CDCA8: variants seen among roughly 807,000 people sequenced by gnomAD.
CDCA8 encodes borealin.
In CDCA8, 25 loss-of-function variants were observed where a neutral mutation model predicts 40.0. That is an observed-to-expected ratio of 0.63 (90% confidence interval 0.46 to 0.87). CDCA8 has a LOEUF of 0.87. Among genes scored for constraint, CDCA8 ranks in the 40% least tolerant of loss-of-function variants. CDCA8 has a pLI of 0.00. For missense variants in CDCA8, 280 were observed against 348.4 expected (o/e 0.80, Z 1.56); for synonymous variants, 111 against 126.5 (o/e 0.88, Z 0.82).
In CDCA8 at chr1:37,708,339, C is replaced by T; in HGVS notation, c.816C>T (p.Ile272=). The part of the protein sequence containing the change: ...IKKLSNRLAQ[I]CSSIRTHK ...CTTTTTAGAACCGTCTCGCCCAAAT[C>T]TGCAGCAGCATACGGACCCACAAAT... The change falls in exon 10 of 10, where the codon ATC becomes ATT. Residue 272 remains isoleucine (I), a synonymous_variant. Transcript: ENST00000373055. 1 of 1,614,166 alleles carries T rather than the reference C, an allele frequency of 6.2e-7. No individual in the cohort carries two copies. The highest frequency in any genetic ancestry group is 8.5e-7 in the Non-Finnish European group (1 of 1,180,016).
At chr1:37,700,886 T>C (rs1645558724) in intron 5 of CDCA8, among the ~76,000 whole-genome samples, 1 of 152,142 alleles carries the variant, frequency 6.6e-6, no homozygotes. Flanking sequence ...CACTATAGAA[T>C]GAAGGGATGG....
intron 2 of CDCA8, among the ~76,000 whole-genome samples, chr1:37,693,975 T>A (rs535371962): frequency 6.6e-6 from 1 of 151,890 alleles, no homozygotes; most frequent in Non-Finnish European, 1.5e-5. Context: ...CTGTCTCTAC[T>A]AAAAATACAA....
Position 37,707,069 on chromosome 1 carries a change from G to A in CDCA8, c.798+5G>A, listed in dbSNP as rs780730214. On this transcript the variant is annotated splice_donor_5th_base_variant and intron_variant, in intron 9 of 9. Coordinates refer to ENST00000373055, the MANE Select transcript of CDCA8 (RefSeq NM_001256875.2). ...GGAAACATTAAGAAGCTCTCCGTAAGTCTCATATTCATCTCCACACATAGG... is the reference window on the plus strand; with the variant it reads ...GGAAACATTAAGAAGCTCTCCGTAAATCTCATATTCATCTCCACACATAGG... 6.2e-7 allele frequency: 1 copy of A among 1,611,446 alleles called. No homozygotes were observed. The highest frequency in any genetic ancestry group is 1.1e-5 in the South Asian group (1 of 91,034).
intron 3 of CDCA8, among the ~76,000 whole-genome samples, chr1:37,698,437 T>C (rs780949053): frequency 3.9e-5 from 6 of 152,176 alleles, no homozygotes; most frequent in Non-Finnish European, 7.3e-5. Context: ...GGATATGATA[T>C]AGCAATGAAA....
intron 8 of CDCA8, among the ~76,000 whole-genome samples, chr1:37,706,304 C>T (rs1024367169): frequency 4.6e-5 from 7 of 152,064 alleles, no homozygotes; most frequent in Admixed American, 4.6e-4. Flanking sequence ...GATGGTGTTT[C>T]ACCATATTGG....
intron 2 of CDCA8, among the ~76,000 whole-genome samples, chr1:37,693,303 A>T (rs1645490772): frequency 6.6e-6 from 1 of 152,186 alleles, no homozygotes; most frequent in Non-Finnish European, 1.5e-5. Flanking sequence ...GCTGTAGTGA[A>T]TGGGCATGGA....
chr1:37,708,640 A>G lies in CDCA8; in HGVS notation c.*274A>G, dbSNP rs1288352694. 1.0e-5 allele frequency: 5 copies of G among 491,414 alleles called. No homozygotes were observed. The highest frequency in any genetic ancestry group is 1.9e-5 in the African/African-American group (1 of 51,690). The allele number at this position is 491,414 out of a possible 1,614,324, so 30.4% of individuals were successfully genotyped here. On this transcript the variant is annotated 3_prime_UTR_variant, in exon 10 of 10. Transcript: ENST00000373055. ...CCAGCTGAATCCTCCCTGCTCTCTG[A>G]GCTGCTGCCTTTTGCCTCCTGCAAC...
chr1:37,709,708 T>TTTC lies in CDCA8; in HGVS notation c.*1345_*1347dup, dbSNP rs1223022775. The stretch of plus-strand genomic sequence containing the variant: ...CTTTCAATAAATTCTGGTTTTGTGT[T>TTTC]TTCTTTTGTAATCACTGTTCATCCT... On this transcript the variant is annotated 3_prime_UTR_variant, in exon 10 of 10. Transcript: ENST00000373055. The TTTC allele has an allele frequency of 6.6e-6, 1 of 152,224 alleles. No homozygotes were observed. The highest frequency in any genetic ancestry group is 1.9e-4 in the East Asian group (1 of 5,202). The allele number at this position is 152,224 out of a possible 1,614,324, so 9.4% of individuals were successfully genotyped here.
chr1:37,700,017 G>T lies in CDCA8; in HGVS notation c.338-419G>T, dbSNP rs1645553547. On this transcript the variant is annotated intron_variant, in intron 4 of 9. Coordinates refer to ENST00000373055, the MANE Select transcript of CDCA8 (RefSeq NM_001256875.2). ...TGAGAAACACTGTCTTATAGGAAAA[G>T]TTGTATGGGAAACCAGGTTTTGACT... Among the ~76,000 whole-genome samples, 2 of 152,176 alleles carry T rather than the reference G, an allele frequency of 1.3e-5. 1 individual carries two copies. The highest frequency in any genetic ancestry group is 4.1e-4 in the South Asian group (2 of 4,834).
At chr1:37,694,893 C>T (rs114773654) in intron 2 of CDCA8, among the ~76,000 whole-genome samples, 156 of 152,330 alleles carry the variant, frequency 1.0e-3, no homozygotes, top group African/African-American at 3.3e-3. Context: ...TCATTCAACA[C>T]GTTTACTGTA....
chr1:37,701,906 T>G (rs2148288788), intron 6 of CDCA8, 88 bp downstream of exon 6: 1 of 965,876 alleles, frequency 1.0e-6, no homozygotes. Flanking sequence ...GTGAAAAGGC[T>G]CTGGTGGCTA....
At chr1:37,695,248 C>T (rs1311907948) in intron 2 of CDCA8, among the ~76,000 whole-genome samples, 1 of 150,096 alleles carries the variant, frequency 6.7e-6, no homozygotes, top group Non-Finnish European at 1.5e-5. Flanking sequence ...GAGGGCAGGG[C>T]ATAGGGTGGG....
intron 3 of CDCA8, among the ~76,000 whole-genome samples, 195 bp from the exon 4 acceptor site, chr1:37,698,710 G>A (rs1488657909): frequency 6.6e-6 from 1 of 152,198 alleles, no homozygotes; most frequent in Non-Finnish European, 1.5e-5. Context: ...AGAGCCAGAA[G>A]CAAGTTATTG....
At chr1:37,699,321 C>G (rs1014453110) in intron 4 of CDCA8, among the ~76,000 whole-genome samples, 5 of 152,098 alleles carry the variant, frequency 3.3e-5, no homozygotes, top group African/African-American at 4.8e-5. Context: ...AAATAGATGA[C>G]AAGATTTAGA....
chr1:37,701,540 C>T (rs1645564061), intron 5 of CDCA8, among the ~76,000 whole-genome samples: 1 of 152,016 alleles, frequency 6.6e-6, no homozygotes, highest in African/African-American at 2.4e-5. Flanking sequence ...TGGTCAAAAT[C>T]CTCTATTTTG....
At chr1:37,693,600 T>C (rs1226605271) in intron 2 of CDCA8, among the ~76,000 whole-genome samples, 1 of 152,028 alleles carries the variant, frequency 6.6e-6, no homozygotes, top group Non-Finnish European at 1.5e-5. Context: ...GGTTTCACCA[T>C]GTTGGCCAGG....
chr1:37,707,934 G>C (rs1327177092), intron 9 of CDCA8, among the ~76,000 whole-genome samples: 1 of 152,232 alleles, frequency 6.6e-6, no homozygotes, highest in African/African-American at 2.4e-5. Flanking sequence ...GAAGCACTTA[G>C]TGTAAACATG....
At chr1:37,707,651 T>C (rs1358467110) in intron 9 of CDCA8, among the ~76,000 whole-genome samples, 1 of 152,182 alleles carries the variant, frequency 6.6e-6, no homozygotes, top group Non-Finnish European at 1.5e-5. Context: ...CAATTTCTTG[T>C]CTTGGTTTAA....
chr1:37,694,154 C>T (rs886902572), intron 2 of CDCA8, among the ~76,000 whole-genome samples: 18 of 152,186 alleles, frequency 1.2e-4, no homozygotes, highest in African/African-American at 4.1e-4. Flanking sequence ...AAAAAAGACA[C>T]ATCAGTTTTC....
Sources: gnomAD v4.1 joint callset for allele counts (sites outside exome capture counted in the v4.1 genomes callset) on GRCh38, gnomAD v4.1.1 for gene constraint, MANE v1.5 for transcripts, NCBI Gene and HGNC (gene_info 2026-07-23, HGNC 2026-07-21) for gene names.